The following LPIN2 variants were observed in gnomAD, a reference collection of about 807,000 sequenced individuals.
LPIN2 encodes the protein phosphatidate phosphatase LPIN2.
Under a neutral mutation model 111.4 loss-of-function variants are expected in LPIN2, and 55 were observed. The observed-to-expected ratio is 0.49, with a 90% confidence interval of 0.40 to 0.62. LPIN2 has a LOEUF of 0.62. Among genes scored for constraint, LPIN2 ranks in the 20% least tolerant of loss-of-function variants. The pLI is 0.00. For missense variants in LPIN2, 992 were observed against 1,112.1 expected, an observed-to-expected ratio of 0.89 and a Z score of 1.54; for synonymous variants, 425 against 414.0, an observed-to-expected ratio of 1.03 and a Z score of -0.32.
At chr18:2,971,408 G>T (rs1240614351) in intron 1 of LPIN2, among the ~76,000 whole-genome samples, 1 of 151,750 alleles carries the variant, frequency 6.6e-6, no homozygotes, top group Non-Finnish European at 1.5e-5. Flanking sequence ...ATCTGTTGCT[G>T]TGAGTGCCCA....
At chr18:2,994,235 G>C (rs1374759669) in intron 1 of LPIN2, among the ~76,000 whole-genome samples, 1 of 152,210 alleles carries the variant, frequency 6.6e-6, no homozygotes, top group Admixed American at 6.5e-5. Flanking sequence ...AAAATACAAA[G>C]GCAGTAAGTG....
chr18:2,988,924 G>C (rs1035319852), intron 1 of LPIN2, among the ~76,000 whole-genome samples: 2 of 152,136 alleles, frequency 1.3e-5, no homozygotes, highest in African/African-American at 4.8e-5. Flanking sequence ...TTCAGCCTTT[G>C]CAACAAATTA....
At chr18:2,968,253 A>G (rs1397430185) in intron 1 of LPIN2, among the ~76,000 whole-genome samples, 1 of 152,218 alleles carries the variant, frequency 6.6e-6, no homozygotes, top group Non-Finnish European at 1.5e-5. Context: ...ACAATGAAAA[A>G]GGAAATCTGG....
chr18:2,954,303 G>C (rs2077578610), intron 3 of LPIN2, among the ~76,000 whole-genome samples: 1 of 152,206 alleles, frequency 6.6e-6, no homozygotes, highest in South Asian at 2.1e-4. Context: ...CCTGCACCCT[G>C]AAACTTTGTA....
intron 8 of LPIN2, among the ~76,000 whole-genome samples, chr18:2,933,186 T>C (rs1449519101): frequency 1.3e-5 from 2 of 152,226 alleles, no homozygotes; most frequent in Non-Finnish European, 2.9e-5. Flanking sequence ...TATGAAATGT[T>C]TCAAGAAATA....
intron 9 of LPIN2, among the ~76,000 whole-genome samples, chr18:2,929,928 C>G (rs1407176994): frequency 6.6e-6 from 1 of 152,006 alleles, no homozygotes; most frequent in Non-Finnish European, 1.5e-5. Context: ...AAAACAACAA[C>G]AAAAATTACA....
At chr18:2,966,370 G>C (rs1325646069) in intron 1 of LPIN2, among the ~76,000 whole-genome samples, 1 of 152,098 alleles carries the variant, frequency 6.6e-6, no homozygotes, top group Non-Finnish European at 1.5e-5. Context: ...CTTGTTACAC[G>C]TCTCTCATGT....
intron 4 of LPIN2, 124 bp downstream of exon 4, chr18:2,950,931 A>G (rs2077525549): frequency 1.0e-6 from 1 of 1,000,602 alleles, no homozygotes; most frequent in Non-Finnish European, 1.6e-6. Flanking sequence ...ATTCCACAAT[A>G]AACTGTAAAG....
At chr18:2,921,009 C>A (rs2077045696) in intron 18 of LPIN2, 128 bp from the exon 19 acceptor site, 3 of 724,150 alleles carry the variant, frequency 4.1e-6, no homozygotes, top group African/African-American at 1.7e-5. Context: ...CGGCACAGTG[C>A]AGTTGCCACC....
intron 1 of LPIN2, among the ~76,000 whole-genome samples, chr18:2,975,670 A>G (rs1002531084): frequency 6.6e-6 from 1 of 152,194 alleles, no homozygotes; most frequent in Non-Finnish European, 1.5e-5. Flanking sequence ...TATGAACATA[A>G]AAGTGTGTTT....
intron 2 of LPIN2, among the ~76,000 whole-genome samples, chr18:2,958,158 C>CAAAAAAAAAAAAAAA (rs1555678271): frequency 2.8e-5 from 1 of 35,352 alleles, no homozygotes; most frequent in Non-Finnish European, 5.2e-5. Flanking sequence ...AAAAAAAAAA[C>CAAAAAAAAAAAAAAA]AACAAAAAAA....
At chr18:2,980,806 C>T (rs1388465014) in intron 1 of LPIN2, among the ~76,000 whole-genome samples, 1 of 152,106 alleles carries the variant, frequency 6.6e-6, no homozygotes, top group Non-Finnish European at 1.5e-5. Context: ...AGAGTCCCCC[C>T]CCAGCTCTAA....
intron 4 of LPIN2, chr18:2,945,677 C>T (rs966018120): frequency 4.3e-6 from 6 of 1,402,528 alleles, no homozygotes; most frequent in African/African-American, 2.8e-5. Flanking sequence ...AATAACTTCG[C>T]TTTACATCAA....
Position 3,002,009 on chromosome 18 carries a change from G to A in LPIN2, c.-10+11078C>T, listed in dbSNP as rs904719707. On this transcript the variant is annotated intron_variant, in intron 1 of 19. Transcript: ENST00000677752. ...TCAGCACCTATGGTCCATCTGACCT[G>A]TAGGTATGTCTCATTAGTAAGACAA... Among the ~76,000 whole-genome samples the A allele has an allele frequency of 5.9e-5, 9 of 152,170 alleles. No homozygotes were observed. In the East Asian group the frequency reaches 1.2e-3, roughly 20 times the overall value.
At chr18:2,928,867 A>C (rs908504188) in intron 10 of LPIN2, among the ~76,000 whole-genome samples, 198 bp downstream of exon 10, 1 of 152,258 alleles carries the variant, frequency 6.6e-6, no homozygotes, top group Non-Finnish European at 1.5e-5. Flanking sequence ...AAAATCTATC[A>C]AACAGAGTAA....
intron 1 of LPIN2, among the ~76,000 whole-genome samples, chr18:3,002,885 C>G (rs1293480736): frequency 6.6e-6 from 1 of 152,208 alleles, no homozygotes; most frequent in Non-Finnish European, 1.5e-5. Flanking sequence ...TACGCAGAAG[C>G]AGACCTACTT....
Position 3,013,111 on chromosome 18 carries a change from G to A in LPIN2, c.-34C>T, listed in dbSNP as rs1368491811. 6.6e-6 allele frequency: 1 copy of A among 150,682 alleles called. No individual in the cohort carries two copies. Among genetic ancestry groups the A allele is most frequent in the Admixed American group, 6.6e-5 (1 of 15,144 alleles). 9.3% of individuals were successfully genotyped at this position (150,682 alleles called of 1,614,324 possible). A position where few individuals can be genotyped will look rare whatever the true frequency, so the allele number is the denominator to read the frequency against. ...CCCACAGGGGCTCCGCTCCCGGCCA[G>A]CGGGCGGCTGAGGGCAGGCGGCGGC... On this transcript the variant is annotated 5_prime_UTR_variant, in exon 1 of 20. Coordinates refer to ENST00000677752, the MANE Select transcript of LPIN2 (RefSeq NM_001375808.2).
chr18:2,933,830 G>T (rs1204934216), intron 8 of LPIN2, among the ~76,000 whole-genome samples: 1 of 152,198 alleles, frequency 6.6e-6, no homozygotes, highest in Admixed American at 6.5e-5. Context: ...AAATGGTGCG[G>T]GACAGTGAGG....
Position 2,960,694 on chromosome 18 carries a change from G to A in LPIN2, c.147C>T (p.His49=), listed in dbSNP as rs17886056. ...QDGSYQCSPF[H]VRFGKLGVLR... is the part of the protein sequence containing the mutation. ...GGACTCCCAGCTTTCCAAACCGAAC[G>A]TGAAAAGGTGAACACTGATAGCTGC... Residue 49 remains histidine, a synonymous_variant, in exon 2 of 20, where the codon CAC becomes CAT. Transcript: ENST00000677752. The A allele has an allele frequency of 1.2e-3, 1,939 of 1,613,958 alleles. 24 individuals carry two copies. The African/African-American group carries it at 0.023, about 19-fold the overall frequency.
Sources: allele counts gnomAD v4.1 joint callset (sites outside exome capture counted in the v4.1 genomes callset), GRCh38; gene constraint gnomAD v4.1.1; transcripts MANE v1.5; gene names NCBI Gene and HGNC (gene_info 2026-07-23, HGNC 2026-07-21).